Variants in SLC9A7 observed in about 807,000 individuals in gnomAD.
SLC9A7 encodes solute carrier family 9 member A7.
In SLC9A7, 19 loss-of-function variants were observed where a neutral mutation model predicts 52.6. That is an observed-to-expected ratio of 0.36 (90% confidence interval 0.25 to 0.53). SLC9A7 has a LOEUF of 0.53. SLC9A7 is among the 20% of genes least tolerant of loss of function. SLC9A7 has a pLI of 0.91. For synonymous variants in SLC9A7, 226 were observed against 252.1 expected, an observed-to-expected ratio of 0.90 and a Z score of 0.98; for missense variants, 455 against 597.9, an observed-to-expected ratio of 0.76 and a Z score of 2.49.
intron 1 of SLC9A7, among the ~76,000 whole-genome samples, chrX:46,724,094 AAAC>A (rs1277690377): frequency 8.9e-6 from 1 of 112,420 alleles, no homozygotes; most frequent in African/African-American, 3.2e-5. Context: ...TTCCCTCTCA[AAAC>A]AACAACAGCA....
intron 1 of SLC9A7, among the ~76,000 whole-genome samples, chrX:46,715,336 A>T (rs1216678109): frequency 8.9e-6 from 1 of 112,113 alleles, no homozygotes; most frequent in Non-Finnish European, 1.9e-5. Flanking sequence ...GGAATAGCAC[A>T]GTAACAGGCA....
chrX:46,699,785 G>T (rs1047777573), intron 1 of SLC9A7, among the ~76,000 whole-genome samples: 1 of 111,057 alleles, frequency 9.0e-6, no homozygotes, highest in Non-Finnish European at 1.9e-5. Context: ...GCACCCATAC[G>T]TACTCTTAAA....
At chrX:46,671,361 T>C (rs1165003905) in intron 4 of SLC9A7, among the ~76,000 whole-genome samples, 2 of 110,174 alleles carry the variant, frequency 1.8e-5, no homozygotes, top group Non-Finnish European at 3.8e-5. Context: ...CCCGGGTTCA[T>C]GCTATTCTCC....
intron 1 of SLC9A7, among the ~76,000 whole-genome samples, chrX:46,720,871 T>C (rs1008736942): frequency 9.0e-6 from 1 of 111,478 alleles, no homozygotes; most frequent in African/African-American, 3.3e-5. Flanking sequence ...ACCACCTACG[T>C]TTTTAGACTG....
chrX:46,648,805 C>T lies in SLC9A7; in HGVS notation c.1351-8G>A. On this transcript the variant is annotated splice_polypyrimidine_tract_variant and splice_region_variant and intron_variant, in intron 10 of 16. Coordinates refer to ENST00000616978, the MANE Select transcript of SLC9A7 (RefSeq NM_001257291.2). ...GCCCAGGAAGATGGCAACCTGACCA[C>T]AAGGTAGAAGGTTAAGGGACCAACA... 8.5e-7 allele frequency: 1 copy of T among 1,176,651 alleles called. No individual in the cohort carries two copies. The highest frequency in any genetic ancestry group is 1.2e-6 in the Non-Finnish European group (1 of 864,069).
chrX:46,618,781 TAAAAATAC>T (rs1942994211), intron 15 of SLC9A7, among the ~76,000 whole-genome samples: 1 of 110,833 alleles, frequency 9.0e-6, no homozygotes, highest in South Asian at 3.8e-4. Flanking sequence ...TCCTATCTAC[TAAAAATAC>T]AAAAATTAGC....
intron 1 of SLC9A7, among the ~76,000 whole-genome samples, chrX:46,689,461 T>C (rs1944349323): frequency 8.9e-6 from 1 of 112,090 alleles, no homozygotes; most frequent in Non-Finnish European, 1.9e-5. Flanking sequence ...TGAACACCCA[T>C]GAACAAGTTT....
chrX:46,737,108 T>C (rs1837977131), intron 1 of SLC9A7, among the ~76,000 whole-genome samples: 1 of 111,620 alleles, frequency 9.0e-6, no homozygotes, highest in Non-Finnish European at 1.9e-5. Context: ...AGTCTCACTT[T>C]CTGTTACTTT....
At chrX:46,682,085 T>C (rs953850780) in intron 2 of SLC9A7, among the ~76,000 whole-genome samples, 1 of 111,854 alleles carries the variant, frequency 8.9e-6, no homozygotes, top group South Asian at 3.7e-4. Flanking sequence ...ACAAATCCAT[T>C]GCACAATCAG....
chrX:46,662,583 A>G lies in SLC9A7; in HGVS notation c.854T>C (p.Phe285Ser), dbSNP rs1402901954. 8.3e-7 allele frequency: 1 copy of G among 1,210,943 alleles called. No individual in the cohort carries two copies. The highest frequency in any genetic ancestry group is 3.0e-5 in the East Asian group (1 of 33,852). Reference protein sequence around the residue: ...HADVDLYALLFGESVLNDAVA... With the variant: ...HADVDLYALLSGESVLNDAVA... ...AGCATCATTTAGGACGCTCTCTCCA[A>G]AAAGAAGTGCGTAAAGATCCACGTC... The change falls in exon 6 of 17, where the codon TTT (phenylalanine) becomes TCT (serine). Residue 285 changes from phenylalanine to serine, a missense_variant. Around this residue, in one of 3 missense-constraint regions of SLC9A7, gnomAD observed 304 missense variants for 417.8 expected, o/e 0.73. Transcript: ENST00000616978.
chrX:46,609,403 T>C (rs1054622034), intron 16 of SLC9A7, among the ~76,000 whole-genome samples: 6 of 112,219 alleles, frequency 5.3e-5, no homozygotes, highest in Non-Finnish European at 7.5e-5. Context: ...AACAAGGCCA[T>C]AGTAAAACCC....
chrX:46,748,990 G>C (rs373669627), intron 1 of SLC9A7, among the ~76,000 whole-genome samples: 1 of 111,456 alleles, frequency 9.0e-6, no homozygotes, highest in Non-Finnish European at 1.9e-5. Flanking sequence ...CAACTACCAC[G>C]TGACTTATCA....
chrX:46,663,365 G>A (rs1479532360), intron 5 of SLC9A7, among the ~76,000 whole-genome samples: 8 of 103,289 alleles, frequency 7.7e-5, no homozygotes, highest in Non-Finnish European at 1.4e-4. Flanking sequence ...AGGGCCAGGC[G>A]TGGTGGCTTA....
At chrX:46,636,330 G>A (rs916882546) in intron 12 of SLC9A7, among the ~76,000 whole-genome samples, 1 of 110,719 alleles carries the variant, frequency 9.0e-6, no homozygotes, top group East Asian at 2.8e-4. Context: ...TCGTAAACTC[G>A]GCAGCATTGA....
At chrX:46,726,996 C>A (rs1944955946) in intron 1 of SLC9A7, among the ~76,000 whole-genome samples, 1 of 111,833 alleles carries the variant, frequency 8.9e-6, no homozygotes, top group African/African-American at 3.3e-5. Context: ...GCAACATCCC[C>A]CAATTATCTT....
intron 11 of SLC9A7, 148 bp from the exon 12 acceptor site, chrX:46,643,537 G>C (rs1943440552): frequency 5.6e-6 from 3 of 533,201 alleles, no homozygotes; most frequent in Admixed American, 7.9e-5. Flanking sequence ...AACCTTAAAG[G>C]CATGATTTTC....
intron 14 of SLC9A7, among the ~76,000 whole-genome samples, chrX:46,622,422 G>GA (rs1296175919): frequency 2.7e-5 from 3 of 111,726 alleles, no homozygotes; most frequent in African/African-American, 9.8e-5. Context: ...ATATATAATG[G>GA]AAAAAATCAA....
At chrX:46,697,218 G>A (rs1302688720) in intron 1 of SLC9A7, among the ~76,000 whole-genome samples, 4 of 112,285 alleles carry the variant, frequency 3.6e-5, no homozygotes, top group Non-Finnish European at 7.5e-5. Flanking sequence ...GTTTCAGTTA[G>A]GAGGAATAAG....
intron 14 of SLC9A7, among the ~76,000 whole-genome samples, chrX:46,622,488 T>C (rs1292612137): frequency 8.9e-6 from 1 of 111,825 alleles, no homozygotes; most frequent in Non-Finnish European, 1.9e-5. Context: ...GCCTGTAGAA[T>C]TTTACTAAGG....
Sources: gnomAD v4.1 joint callset for allele counts (sites outside exome capture counted in the v4.1 genomes callset) on GRCh38, gnomAD v4.1.1 for gene constraint, gnomAD v4.1.1 regional missense constraint, MANE v1.5 for transcripts, NCBI Gene and HGNC (gene_info 2026-07-23, HGNC 2026-07-21) for gene names.